Variants in PCDH15 observed in about 807,000 individuals in gnomAD.
The protein encoded by PCDH15 is protocadherin-15.
A neutral mutation model predicts 178.5 loss-of-function variants in PCDH15; 129 were observed. That is an observed-to-expected ratio of 0.72 (90% CI 0.63 to 0.84). PCDH15 has a LOEUF of 0.84. Among genes scored for constraint, PCDH15 ranks in the 40% least tolerant of loss-of-function variants. The probability of loss-of-function intolerance (pLI) is 0.00; values close to 1 mark genes in which losing one functional copy is unlikely to be tolerated. For synonymous variants in PCDH15, 800 were observed against 732.0 expected (o/e 1.09, Z -1.50); for missense variants, 2,230 against 2,099.9 (o/e 1.06, Z -1.21).
intron 8 of PCDH15, among the ~76,000 whole-genome samples, chr10:54,259,306 G>T (rs999480958): frequency 2.7e-4 from 41 of 152,142 alleles, no homozygotes; most frequent in African/African-American, 9.7e-4. Context: ...CCTGTCTGGG[G>T]TCACCTTAGG....
At chr10:54,828,430 T>C (rs1239670329) in intron 3 of PCDH15, among the ~76,000 whole-genome samples, 1 of 151,950 alleles carries the variant, frequency 6.6e-6, no homozygotes, top group African/African-American at 2.4e-5. Context: ...TAGACTTGAC[T>C]TCTGCTTAAC....
At chr10:55,227,743 A>G (rs1256030204) in intron 1 of PCDH15, among the ~76,000 whole-genome samples, 1 of 152,118 alleles carries the variant, frequency 6.6e-6, no homozygotes, top group Non-Finnish European at 1.5e-5. Flanking sequence ...CACCAATATT[A>G]ACAGAATTAT....
chr10:53,839,202 C>CAAAAAAA (rs758823713), intron 29 of PCDH15, among the ~76,000 whole-genome samples: 6 of 74,576 alleles, frequency 8.0e-5, no homozygotes, highest in South Asian at 6.1e-4. Context: ...GTCTCCGTCT[C>CAAAAAAA]AAAAAAAAAA....
intron 2 of PCDH15, among the ~76,000 whole-genome samples, chr10:54,626,420 C>G (rs901419245): frequency 6.6e-6 from 1 of 152,120 alleles, no homozygotes; most frequent in African/African-American, 2.4e-5. Context: ...CTGCTGTGTG[C>G]AGCCAGGGAC....
chr10:53,876,680 C>G (rs2080273050), intron 26 of PCDH15, among the ~76,000 whole-genome samples: 1 of 151,062 alleles, frequency 6.6e-6, no homozygotes, highest in South Asian at 2.1e-4. Flanking sequence ...TTTAAATATG[C>G]AAGCTCAAGT....
intron 13 of PCDH15, among the ~76,000 whole-genome samples, chr10:54,162,426 C>G (rs1490942140): frequency 1.3e-5 from 2 of 152,118 alleles, no homozygotes; most frequent in South Asian, 4.1e-4. Flanking sequence ...GCTAATCCAA[C>G]TATGAAAGGC....
At chr10:55,242,566 C>A (rs1207149362) in intron 1 of PCDH15, among the ~76,000 whole-genome samples, 1 of 152,092 alleles carries the variant, frequency 6.6e-6, no homozygotes, top group East Asian at 1.9e-4. Context: ...CGGCCAGGAA[C>A]AGTGGCTCAT....
intron 1 of PCDH15, among the ~76,000 whole-genome samples, chr10:55,297,643 T>A (rs1036137964): frequency 8.5e-5 from 13 of 152,184 alleles, no homozygotes; most frequent in African/African-American, 2.2e-4. Flanking sequence ...GATTAAAAAA[T>A]TTATTAATTC....
intron 7 of PCDH15, among the ~76,000 whole-genome samples, chr10:54,322,087 AC>A (rs1443245998): frequency 6.6e-6 from 1 of 152,038 alleles, no homozygotes; most frequent in Non-Finnish European, 1.5e-5. Flanking sequence ...AAAAATCAAA[AC>A]AAAAACAACA....
intron 1 of PCDH15, among the ~76,000 whole-genome samples, chr10:54,786,254 A>C (rs1359739467): frequency 6.6e-6 from 1 of 151,988 alleles, no homozygotes; most frequent in Non-Finnish European, 1.5e-5. Context: ...TCCATAGTTA[A>C]AGTCTCGAAT....
At chr10:53,954,459 AAAACGT>A (rs2087410034) in intron 23 of PCDH15, among the ~76,000 whole-genome samples, 1 of 152,214 alleles carries the variant, frequency 6.6e-6, no homozygotes, top group African/African-American at 2.4e-5. Context: ...GGTATACTGA[AAAACGT>A]ATGCCAAATA....
intron 2 of PCDH15, chr10:55,575,577 T>C (rs1365922748): frequency 6.6e-6 from 1 of 152,126 alleles, no homozygotes; most frequent in African/African-American, 2.4e-5. Context: ...TCTTTCAGAG[T>C]AGATTTATTT....
intron 2 of PCDH15, among the ~76,000 whole-genome samples, chr10:54,553,266 T>C (rs910413565): frequency 6.6e-6 from 1 of 152,186 alleles, no homozygotes; most frequent in African/African-American, 2.4e-5. Context: ...CTCTCTGATG[T>C]GTCTTAAGAT....
chr10:54,867,677 A>G (rs1032680369), intron 3 of PCDH15, among the ~76,000 whole-genome samples: 7 of 152,258 alleles, frequency 4.6e-5, no homozygotes, highest in Admixed American at 1.3e-4. Flanking sequence ...ATATTTTTAT[A>G]TATTACAATA....
intron 1 of PCDH15, among the ~76,000 whole-genome samples, chr10:55,211,547 C>T (rs1403024395): frequency 1.3e-5 from 2 of 152,076 alleles, no homozygotes; most frequent in African/African-American, 2.4e-5. Context: ...ATACTGATTA[C>T]TTTTCCTCTC....
At chr10:54,489,354 C>T (rs2079378894) in intron 3 of PCDH15, among the ~76,000 whole-genome samples, 1 of 152,048 alleles carries the variant, frequency 6.6e-6, no homozygotes, top group Non-Finnish European at 1.5e-5. Context: ...ATACCTAATA[C>T]TATCTTCGTG....
rs1840966517 is a variant in PCDH15 at position 53,803,071 on chromosome 10, C to T, written c.*3508G>A. ...AAAGATCAAAATTAACTATTGAAAA[C>T]CAATAAAAAAAATAGAACAAAAATT... On this transcript the variant is annotated 3_prime_UTR_variant, in exon 38 of 38. Transcript: ENST00000644397. 6.6e-6 allele frequency: 1 copy of T among 151,536 alleles called. No homozygotes were observed. Among genetic ancestry groups the T allele is most frequent in the Admixed American group, 6.6e-5 (1 of 15,202 alleles). The allele number at this position is 151,536 out of a possible 1,614,324, so 9.4% of individuals were successfully genotyped here. A position where few individuals can be genotyped will look rare whatever the true frequency, so the allele number is the denominator to read the frequency against.
chr10:54,857,153 A>C (rs1187334448), intron 3 of PCDH15, among the ~76,000 whole-genome samples: 1 of 152,144 alleles, frequency 6.6e-6, no homozygotes, highest in South Asian at 2.1e-4. Flanking sequence ...TCACCTCTGC[A>C]TCTATATCAC....
intron 29 of PCDH15, among the ~76,000 whole-genome samples, chr10:53,837,950 C>A (rs4086883): frequency 0.41 from 59,315 of 145,908 alleles, 12,432 homozygotes; most frequent in East Asian, 0.76. Flanking sequence ...TCAATATAAA[C>A]ATATATTATT....
Sources: allele counts gnomAD v4.1 joint callset (sites outside exome capture counted in the v4.1 genomes callset), GRCh38; gene constraint gnomAD v4.1.1; transcripts MANE v1.5; gene names NCBI Gene and HGNC (gene_info 2026-07-23, HGNC 2026-07-21).